Variants in THSD7A observed in about 807,000 individuals in gnomAD.
THSD7A encodes the protein thrombospondin type-1 domain-containing protein 7A.
THSD7A carries 96 observed loss-of-function variants against 231.3 expected under a neutral mutation model. The ratio of observed to expected loss-of-function variants is 0.41; its 90% CI spans 0.35 to 0.49. The LOEUF is 0.49. Among genes scored for constraint, THSD7A ranks in the 20% least tolerant of loss-of-function variants. The pLI, the probability that THSD7A is intolerant of heterozygous loss-of-function variation, is 0.05. For synonymous variants in THSD7A, 940 were observed against 743.3 expected, an observed-to-expected ratio of 1.26 and a Z score of -4.30; for missense variants, 2,290 against 2,070.2, an observed-to-expected ratio of 1.11 and a Z score of -2.06.
chr7:11,587,382 A>G (rs1332002846), intron 4 of THSD7A, among the ~76,000 whole-genome samples: 1 of 152,212 alleles, frequency 6.6e-6, no homozygotes, highest in Non-Finnish European at 1.5e-5. Context: ...CGGAAATGAT[A>G]TAGTAGAAAT....
intron 1 of THSD7A, among the ~76,000 whole-genome samples, chr7:11,746,592 C>T (rs1262800744): frequency 6.6e-6 from 1 of 151,820 alleles, no homozygotes; most frequent in Non-Finnish European, 1.5e-5. Flanking sequence ...CATGATTAAC[C>T]TGTGGTTACT....
At chr7:11,456,783 C>CAA (rs1315696188) in intron 11 of THSD7A, among the ~76,000 whole-genome samples, 1 of 151,702 alleles carries the variant, frequency 6.6e-6, no homozygotes, top group Non-Finnish European at 1.5e-5. Context: ...AAACTAATTA[C>CAA]AAAAAAACAG....
chr7:11,378,839 T>A (rs1583632848), intron 26 of THSD7A: 1 of 513,088 alleles, frequency 1.9e-6, no homozygotes, highest in African/African-American at 1.9e-5. Flanking sequence ...ATTATATTGA[T>A]CCAAAATTTT....
At chr7:11,608,056 C>G (rs1780794506) in intron 2 of THSD7A, among the ~76,000 whole-genome samples, 2 of 152,128 alleles carry the variant, frequency 1.3e-5, no homozygotes, top group African/African-American at 4.8e-5. Flanking sequence ...CATGCAGCTG[C>G]TTACTTATCA....
intron 1 of THSD7A, among the ~76,000 whole-genome samples, chr7:11,672,838 T>C (rs1783454111): frequency 6.6e-6 from 1 of 152,214 alleles, no homozygotes; most frequent in South Asian, 2.1e-4. Context: ...TTCTCTCATT[T>C]TGAATTGAGA....
At chr7:11,729,628 ATAACT>A (rs1490087575) in intron 1 of THSD7A, among the ~76,000 whole-genome samples, 1 of 151,842 alleles carries the variant, frequency 6.6e-6, no homozygotes, top group East Asian at 1.9e-4. Flanking sequence ...TCTCATGTAA[ATAACT>A]TAAAAGAAGC....
At chr7:11,675,433 A>G (rs1783598480) in intron 1 of THSD7A, among the ~76,000 whole-genome samples, 1 of 152,054 alleles carries the variant, frequency 6.6e-6, no homozygotes, top group South Asian at 2.1e-4. Flanking sequence ...CTCCCCTGGA[A>G]AGAGGGCTGA....
chr7:11,666,206 A>C (rs1049093385), intron 1 of THSD7A, among the ~76,000 whole-genome samples: 2 of 152,026 alleles, frequency 1.3e-5, no homozygotes, highest in African/African-American at 4.8e-5. Flanking sequence ...TGAACTTCAG[A>C]TATTGTTGGA....
chr7:11,460,046 T>C (rs2128297943), intron 11 of THSD7A, among the ~76,000 whole-genome samples: 1 of 152,230 alleles, frequency 6.6e-6, no homozygotes, highest in Admixed American at 6.5e-5. Flanking sequence ...TTCCCTATAA[T>C]ATCTAGTAAA....
At chr7:11,648,161 A>G (rs976186584) in intron 1 of THSD7A, among the ~76,000 whole-genome samples, 2 of 152,034 alleles carry the variant, frequency 1.3e-5, no homozygotes, top group African/African-American at 4.8e-5. Context: ...CCCTTGGTAA[A>G]CAGTGAAAAA....
At chr7:11,820,742 T>C (rs1240150252) in intron 1 of THSD7A, 3 of 1,200,978 alleles carry the variant, frequency 2.5e-6, no homozygotes, top group African/African-American at 1.5e-5. Context: ...CTCTTCAGTG[T>C]ACTCTTCTGC....
intron 1 of THSD7A, among the ~76,000 whole-genome samples, chr7:11,727,315 T>C (rs1292778160): frequency 6.6e-6 from 1 of 151,928 alleles, no homozygotes; most frequent in East Asian, 2.0e-4. Flanking sequence ...TGCTCTCTTG[T>C]TCTTTTCTAG....
chr7:11,587,078 A>C (rs945261128), intron 4 of THSD7A, among the ~76,000 whole-genome samples: 9 of 152,214 alleles, frequency 5.9e-5, no homozygotes, highest in Admixed American at 5.2e-4. Flanking sequence ...TCTGTACTAA[A>C]TGGAAGAATT....
At chr7:11,540,166 G>A (rs10242744) in intron 6 of THSD7A, among the ~76,000 whole-genome samples, 37,897 of 152,004 alleles carry the variant, frequency 0.25, 6,538 homozygotes, top group African/African-American at 0.49. Flanking sequence ...TATGCTTATC[G>A]TAGCAAAAAA....
intron 1 of THSD7A, among the ~76,000 whole-genome samples, chr7:11,754,457 T>C (rs1782611598): frequency 6.6e-6 from 1 of 152,102 alleles, no homozygotes; most frequent in Admixed American, 6.6e-5. Context: ...TTTTAAGCCT[T>C]AGAAAATATT....
intron 1 of THSD7A, among the ~76,000 whole-genome samples, chr7:11,764,181 G>A (rs547753800): frequency 1.3e-5 from 2 of 152,300 alleles, no homozygotes; most frequent in South Asian, 4.1e-4. Flanking sequence ...GGTAGAAAGA[G>A]TACGAACTTG....
Position 11,640,646 on chromosome 7 carries a change from A to G in THSD7A, c.191-3685T>C, listed in dbSNP as rs367673010. Among the ~76,000 whole-genome samples, 4 of 152,136 alleles carry G rather than the reference A, an allele frequency of 2.6e-5. No individual in the cohort carries two copies. The East Asian group carries it at 5.8e-4, about 22-fold the overall frequency. ...AGATTTCAGATGATCACGGGTGTCA[A>G]CTATAGTATTTCTTACTAGAATATT... is the stretch of plus-strand genomic sequence containing the variant. On this transcript the variant is annotated intron_variant, in intron 1 of 27. Coordinates refer to ENST00000423059, the MANE Select transcript of THSD7A (RefSeq NM_015204.3).
At chr7:11,496,955 A>G (rs1787127786) in intron 6 of THSD7A, among the ~76,000 whole-genome samples, 1 of 152,192 alleles carries the variant, frequency 6.6e-6, no homozygotes, top group Non-Finnish European at 1.5e-5. Context: ...AAGCTATCCA[A>G]CGTAAATCAA....
At chr7:11,433,292 T>C (rs1393083914) in intron 13 of THSD7A, among the ~76,000 whole-genome samples, 1 of 152,050 alleles carries the variant, frequency 6.6e-6, no homozygotes, top group Non-Finnish European at 1.5e-5. Flanking sequence ...AATGCCTTTT[T>C]TCCTACAGCT....
Sources: gnomAD v4.1 joint callset for allele counts (sites outside exome capture counted in the v4.1 genomes callset) on GRCh38, gnomAD v4.1.1 for gene constraint, MANE v1.5 for transcripts, NCBI Gene and HGNC (gene_info 2026-07-23, HGNC 2026-07-21) for gene names.